ADAM7: variants seen among roughly 807,000 people sequenced by gnomAD.
ADAM7 encodes the protein disintegrin and metalloproteinase domain-containing protein 7.
In ADAM7, 97 loss-of-function variants were observed where a neutral mutation model predicts 102.9. The ratio of observed to expected loss-of-function variants is 0.94; its 90% CI spans 0.80 to 1.12. The LOEUF (loss-of-function observed/expected upper bound fraction) is 1.12. Ranked by LOEUF, ADAM7 falls within the 50% of genes most tolerant of loss-of-function variation. ADAM7 has a pLI of 0.00. For missense variants in ADAM7, 991 were observed against 908.7 expected (o/e 1.09, Z -1.16); for synonymous variants, 334 against 304.4 (o/e 1.10, Z -1.01).
At chr8:24,469,518 G>C (rs1819536659) in intron 7 of ADAM7, among the ~76,000 whole-genome samples, 2 of 152,028 alleles carry the variant, frequency 1.3e-5, no homozygotes, top group African/African-American at 4.8e-5. Context: ...AAACTTATTA[G>C]AGAACCGCTA....
At chr8:24,442,642 C>A in intron 2 of ADAM7, 66 bp downstream of exon 2, 1 of 1,278,840 alleles carries the variant, frequency 7.8e-7, no homozygotes, top group Non-Finnish European at 1.1e-6. Flanking sequence ...TTGTCTCTAG[C>A]TCCAACCAGA....
chr8:24,494,383 A>G (rs943391759), intron 16 of ADAM7, among the ~76,000 whole-genome samples: 2 of 152,232 alleles, frequency 1.3e-5, no homozygotes, highest in African/African-American at 4.8e-5. Context: ...AACAAGACTA[A>G]GTGTGAAGCC....
At chr8:24,461,337 C>CCT (rs34275262) in intron 3 of ADAM7, among the ~76,000 whole-genome samples, 127,569 of 151,926 alleles carry the variant, frequency 0.84, 53,879 homozygotes, top group Middle Eastern at 0.87. Context: ...ATGATGTTCT[C>CCT]CTCTTCTGGC....
At chr8:24,480,824 G>A (rs565571625) in intron 8 of ADAM7, among the ~76,000 whole-genome samples, 1 of 152,122 alleles carries the variant, frequency 6.6e-6, no homozygotes, top group Non-Finnish European at 1.5e-5. Flanking sequence ...GAGAATCACT[G>A]AGCCCAGGAG....
chr8:24,467,068 C>A (rs1281242565), intron 6 of ADAM7, 80 bp downstream of exon 6: 4 of 1,333,720 alleles, frequency 3.0e-6, no homozygotes, highest in Non-Finnish European at 2.1e-6. Flanking sequence ...AAGTATGAGT[C>A]CAGTTACTGA....
Position 24,475,372 on chromosome 8 carries a change from T to C in ADAM7, c.634-1061T>C, listed in dbSNP as rs144216841. 1.7e-3 allele frequency among the ~76,000 whole-genome samples: 260 copies of C among 152,248 alleles called. 1 individual carries two copies. Among genetic ancestry groups the C allele is most frequent in the African/African-American group, 6.0e-3 (248 of 41,554 alleles). On this transcript the variant is annotated intron_variant, in intron 7 of 21. Coordinates refer to ENST00000175238, the MANE Select transcript of ADAM7 (RefSeq NM_003817.4). ...CATTTGTCATCCAGCATTTAAGGGA[T>C]AATGGGAATGCACAATAAAATAGTA...
Position 24,478,735 on chromosome 8 carries a change from A to C in ADAM7, c.705+2231A>C, listed in dbSNP as rs573669527. Among the ~76,000 whole-genome samples the C allele has an allele frequency of 2.0e-5, 3 of 152,260 alleles. No individual in the cohort carries two copies. The East Asian group carries it at 5.8e-4, about 29-fold the overall frequency. On this transcript the variant is annotated intron_variant, in intron 8 of 21. Coordinates refer to ENST00000175238, the MANE Select transcript of ADAM7 (RefSeq NM_003817.4). ...CAACATGTGGGTCATCTACGAGTTT[A>C]GTTTTGTCAACTCTTTTCTCTCCAA...
intron 2 of ADAM7, among the ~76,000 whole-genome samples, chr8:24,444,052 A>G (rs932686249): frequency 2.0e-5 from 3 of 151,572 alleles, no homozygotes; most frequent in African/African-American, 4.8e-5. Flanking sequence ...AGCTTCTTGT[A>G]TACCAGAATA....
chr8:24,462,157 T>A (rs1241970428), intron 3 of ADAM7, among the ~76,000 whole-genome samples: 1 of 152,232 alleles, frequency 6.6e-6, no homozygotes, highest in Non-Finnish European at 1.5e-5. Context: ...TTGTTGGACT[T>A]AAACGGCAAA....
At chr8:24,458,189 G>C (rs1289065433) in intron 3 of ADAM7, among the ~76,000 whole-genome samples, 3 of 152,038 alleles carry the variant, frequency 2.0e-5, no homozygotes. Context: ...ATAAAACTTA[G>C]AGTCACCCTG....
chr8:24,499,121 A>T (rs1455963676), intron 16 of ADAM7, 115 bp from the exon 17 acceptor site: 5 of 735,454 alleles, frequency 6.8e-6, no homozygotes, highest in Middle Eastern at 3.8e-4. Context: ...GTAAATTGAA[A>T]TTTTTCATAT....
rs751708220 is a variant in ADAM7, at chr8:24,442,547, A to G, written c.127A>G (p.Thr43Ala). 3.7e-6 allele frequency: 6 copies of G among 1,614,080 alleles called. No individual in the cohort carries two copies. Among genetic ancestry groups the G allele is most frequent in the East Asian group, 4.5e-5 (2 of 44,870 alleles). ...GCTTCCTCTGATACAGAAGCGAGATACTGGACACACCCATGATGATGACAT... is the reference window on the plus strand; with the variant it reads ...GCTTCCTCTGATACAGAAGCGAGATGCTGGACACACCCATGATGATGACAT... ...KKLPLIQKRD[T>A]GHTHDDDILK... Residue 43 changes from threonine (T) to alanine (A), a missense_variant, in exon 2 of 22, where the codon ACT becomes GCT. By Grantham distance (58) the Thr-to-Ala change is moderately conservative (BLOSUM62 0). Transcript: ENST00000175238.
In ADAM7 at chr8:24,487,520, G is replaced by A. The variant is rs143965885; in HGVS notation, c.1091+203G>A. Reference sequence around the variant, plus strand: ...AATTAGCCAGGCTGGTGGCACATGCGTGTAATCCCAGCTACTTGGGAGGAG... The same window carrying A: ...AATTAGCCAGGCTGGTGGCACATGCATGTAATCCCAGCTACTTGGGAGGAG... On this transcript the variant is annotated intron_variant, in intron 11 of 21. Transcript: ENST00000175238. 3.4e-3 allele frequency among the ~76,000 whole-genome samples: 517 copies of A among 151,812 alleles called. 1 individual carries two copies. The highest frequency in any genetic ancestry group is 0.012 in the African/African-American group (494 of 41,394).
intron 3 of ADAM7, among the ~76,000 whole-genome samples, chr8:24,461,591 T>A (rs1180162617): frequency 7.2e-6 from 1 of 138,120 alleles, no homozygotes; most frequent in Non-Finnish European, 1.7e-5. Flanking sequence ...TACTTTTCCA[T>A]TTTTTTTTCT....
At position 24,476,516 on chromosome 8, in the gene ADAM7, T is replaced by C. The variant is rs1402031010; in HGVS notation, c.705+12T>C. On this transcript the variant is annotated intron_variant, in intron 8 of 21. Transcript: ENST00000175238. ...ATTTTGTCAACATGGTAAGATTTGA[T>C]ACAGTTTTTGAATCAAGCCAATAAT... The C allele has an allele frequency of 8.1e-6, 13 of 1,598,404 alleles. No homozygotes were observed. Among genetic ancestry groups the C allele is most frequent in the Non-Finnish European group, 1.1e-5 (13 of 1,167,690 alleles).
At chr8:24,491,315 G>C (rs537519258) in intron 13 of ADAM7, among the ~76,000 whole-genome samples, 1 of 152,314 alleles carries the variant, frequency 6.6e-6, no homozygotes, top group South Asian at 2.1e-4. Flanking sequence ...CTCTGTCCAA[G>C]AGTTTACTGA....
At chr8:24,496,231 A>G (rs1006357235) in intron 16 of ADAM7, among the ~76,000 whole-genome samples, 10 of 152,226 alleles carry the variant, frequency 6.6e-5, no homozygotes, top group African/African-American at 2.4e-4. Flanking sequence ...AGAAGTCAAG[A>G]ATTGAGGTTT....
Position 24,500,811 on chromosome 8 carries a change from T to C in ADAM7, c.2024T>C (p.Val675Ala), listed in dbSNP as rs1223409276. Reference protein sequence around the residue: ...HVTNITILVVVLVLVIVGIGV... With the variant: ...HVTNITILVVALVLVIVGIGV... ...GCAGATATCACCATCTTGGTTGTTG[T>C]GCTTGTCCTGGTTATTGTCGGTATC... The change falls in exon 19 of 22, where the codon GTG becomes GCG. Residue 675 changes from valine to alanine, a missense_variant. Physicochemically the swap from Val to Ala is moderately conservative, Grantham distance 64. Transcript: ENST00000175238. 1 of 1,613,420 alleles carries C rather than the reference T, an allele frequency of 6.2e-7. No individual in the cohort carries two copies. The highest frequency in any genetic ancestry group is 1.7e-5 in the Admixed American group (1 of 59,976).
At chr8:24,504,821 T>C (rs958894588) in intron 20 of ADAM7, among the ~76,000 whole-genome samples, 1 of 152,160 alleles carries the variant, frequency 6.6e-6, no homozygotes, top group Non-Finnish European at 1.5e-5. Context: ...TGAATTTCAC[T>C]GGCATATAGA....
Sources: allele counts gnomAD v4.1 joint callset (sites outside exome capture counted in the v4.1 genomes callset), GRCh38; gene constraint gnomAD v4.1.1; transcripts MANE v1.5; gene names NCBI Gene and HGNC (gene_info 2026-07-23, HGNC 2026-07-21).